CSMD1: variants seen among roughly 807,000 people sequenced by gnomAD.
CSMD1 encodes the protein CUB and sushi domain-containing protein 1.
Under a neutral mutation model 417.5 loss-of-function variants are expected in CSMD1, and 213 were observed. The observed-to-expected ratio is 0.51, with a 90% CI of 0.46 to 0.57. The LOEUF (loss-of-function observed/expected upper bound fraction) is 0.57. Among genes scored for constraint, CSMD1 ranks in the 20% least tolerant of loss-of-function variants. The probability of loss-of-function intolerance (pLI) is 0.00; values close to 1 mark genes in which losing one functional copy is unlikely to be tolerated. For synonymous variants in CSMD1, 2,862 were observed against 1,736.8 expected, an observed-to-expected ratio of 1.65 and a Z score of -16.11; for missense variants, 6,923 against 4,529.7, an observed-to-expected ratio of 1.53 and a Z score of -15.17.
intron 5 of CSMD1, among the ~76,000 whole-genome samples, chr8:3,843,263 A>G (rs1327105266): frequency 6.6e-6 from 1 of 152,160 alleles, no homozygotes; most frequent in Non-Finnish European, 1.5e-5. Flanking sequence ...TACTCCACTA[A>G]AAATACTTTC....
At chr8:2,953,866 T>G (rs2128921097) in intron 65 of CSMD1, among the ~76,000 whole-genome samples, 1 of 152,366 alleles carries the variant, frequency 6.6e-6, no homozygotes, top group African/African-American at 2.4e-5. Context: ...TGATATGAGC[T>G]TCCTCATTTG....
At chr8:3,248,272 C>T (rs887239403) in intron 26 of CSMD1, among the ~76,000 whole-genome samples, 2 of 152,132 alleles carry the variant, frequency 1.3e-5, no homozygotes, top group African/African-American at 4.8e-5. Flanking sequence ...GGTGATGACA[C>T]GTTCAGCCTT....
Position 3,206,476 on chromosome 8 carries a change from G to C in CSMD1, c.4868-856C>G, listed in dbSNP as rs1287388801. 1.0e-4 allele frequency among the ~76,000 whole-genome samples: 2 copies of C among 19,854 alleles called. 1 individual carries two copies. The allele number at this position is 19,854 out of a possible 152,430, so 13.0% of individuals were successfully genotyped here. ...ATGTGTGTGTGGGGGGGTTATGTCTGTGCGTGTATGTGTGTGTGGGTGTAT... is the reference window on the plus strand; with the variant it reads ...ATGTGTGTGTGGGGGGGTTATGTCTCTGCGTGTATGTGTGTGTGGGTGTAT... On this transcript the variant is annotated intron_variant, in intron 30 of 69. Transcript: ENST00000635120.
chr8:3,262,162 T>G (rs1305390600), intron 26 of CSMD1, among the ~76,000 whole-genome samples: 2 of 140,508 alleles, frequency 1.4e-5, no homozygotes, highest in Non-Finnish European at 3.0e-5. Context: ...AACCATTTTA[T>G]TTCTAAAATT....
intron 50 of CSMD1, among the ~76,000 whole-genome samples, chr8:3,032,503 C>G (rs1369871570): frequency 6.6e-6 from 1 of 151,956 alleles, no homozygotes; most frequent in Non-Finnish European, 1.5e-5. Flanking sequence ...TTATCTTGGT[C>G]CAATAAAATA....
intron 26 of CSMD1, among the ~76,000 whole-genome samples, chr8:3,242,377 A>G (rs552850557): frequency 8.9e-4 from 136 of 152,002 alleles, no homozygotes; most frequent in African/African-American, 3.1e-3. Context: ...GGGGACAGGT[A>G]GGAGGGAAAG....
chr8:4,000,865 G>C (rs531715104), intron 4 of CSMD1, among the ~76,000 whole-genome samples: 84 of 152,076 alleles, frequency 5.5e-4, no homozygotes, highest in African/African-American at 1.9e-3. Flanking sequence ...TATTACCTAA[G>C]AAGATAAAAT....
At chr8:3,369,218 T>C in intron 19 of CSMD1, 36 bp downstream of exon 19, 1 of 996,658 alleles carries the variant, frequency 1.0e-6, no homozygotes, top group Non-Finnish European at 1.6e-6. Flanking sequence ...TCTCATTTAT[T>C]AGTCTGTATG....
intron 18 of CSMD1, among the ~76,000 whole-genome samples, chr8:3,386,717 A>C (rs570895741): frequency 6.6e-6 from 1 of 152,202 alleles, no homozygotes; most frequent in East Asian, 1.9e-4. Context: ...ACTGTTTTCC[A>C]TAGAAACAAT....
intron 3 of CSMD1, among the ~76,000 whole-genome samples, chr8:4,183,441 A>G (rs17405426): frequency 6.6e-6 from 1 of 152,138 alleles, no homozygotes; most frequent in Non-Finnish European, 1.5e-5. Context: ...GCTTGTCAAT[A>G]ATTTTTAGCC....
intron 7 of CSMD1, among the ~76,000 whole-genome samples, chr8:3,682,010 C>G (rs4413798): frequency 0.46 from 69,416 of 152,004 alleles, 16,331 homozygotes; most frequent in Admixed American, 0.57. Context: ...GAAACTGGAT[C>G]CCTTCCTTAC....
intron 10 of CSMD1, among the ~76,000 whole-genome samples, chr8:3,539,534 T>C (rs1216436033): frequency 6.6e-6 from 1 of 152,172 alleles, no homozygotes; most frequent in Non-Finnish European, 1.5e-5. Context: ...AAGGTTCTCA[T>C]TTTAAACGTG....
Position 4,262,127 on chromosome 8 carries a change from G to C in CSMD1, c.415+157826C>G, listed in dbSNP as rs138919406. On this transcript the variant is annotated intron_variant, in intron 3 of 69. Transcript: ENST00000635120. Reference sequence around the variant, plus strand: ...TTACTTCTCTTTCCTATAGAGAATTGTTAGAGTTCTAATTCTGCTATTTGT... The same window carrying C: ...TTACTTCTCTTTCCTATAGAGAATTCTTAGAGTTCTAATTCTGCTATTTGT... Among the ~76,000 whole-genome samples the C allele has an allele frequency of 5.9e-3, 892 of 152,122 alleles. 9 individuals are homozygous for C. Among genetic ancestry groups the C allele is most frequent in the African/African-American group, 0.021 (853 of 41,480 alleles).
intron 8 of CSMD1, among the ~76,000 whole-genome samples, chr8:3,600,826 TTCATATGCATGTTTTG>T (rs1306209577): frequency 2.0e-5 from 3 of 151,716 alleles, no homozygotes; most frequent in African/African-American, 4.9e-5. Flanking sequence ...TTTTGCAACA[TTCATATGCATGTTTTG>T]CAATATTGCA....
intron 10 of CSMD1, among the ~76,000 whole-genome samples, chr8:3,533,421 A>C (rs932839850): frequency 6.6e-6 from 1 of 152,084 alleles, no homozygotes; most frequent in Non-Finnish European, 1.5e-5. Context: ...CAGTGGTTTG[A>C]CTCTGTCAGC....
intron 1 of CSMD1, chr8:4,787,592 A>C: frequency 1.3e-6 from 2 of 1,538,014 alleles, no homozygotes; most frequent in Non-Finnish European, 1.8e-6. Flanking sequence ...GTGCGAAATG[A>C]TTCCAATTGA....
intron 7 of CSMD1, among the ~76,000 whole-genome samples, chr8:3,631,975 C>T (rs924472583): frequency 6.6e-6 from 1 of 152,224 alleles, no homozygotes; most frequent in African/African-American, 2.4e-5. Flanking sequence ...CCTCAAGTTA[C>T]ACATTGTACA....
At chr8:4,049,684 T>C (rs1261774171) in intron 3 of CSMD1, among the ~76,000 whole-genome samples, 1 of 152,202 alleles carries the variant, frequency 6.6e-6, no homozygotes, top group African/African-American at 2.4e-5. Flanking sequence ...GATATTTTTA[T>C]GAATTCTTAA....
chr8:4,046,931 G>C (rs1036072260), intron 3 of CSMD1, among the ~76,000 whole-genome samples: 1 of 152,084 alleles, frequency 6.6e-6, no homozygotes, highest in Non-Finnish European at 1.5e-5. Context: ...GGCCAAGAGG[G>C]AACTTGAGTC....
Sources: gnomAD v4.1 joint callset for allele counts (sites outside exome capture counted in the v4.1 genomes callset) on GRCh38, gnomAD v4.1.1 for gene constraint, MANE v1.5 for transcripts, NCBI Gene and HGNC (gene_info 2026-07-23, HGNC 2026-07-21) for gene names.